CFAP61: variants seen among roughly 807,000 people sequenced by gnomAD.
CFAP61 encodes cilia and flagella associated protein 61.
In CFAP61, 107 loss-of-function variants were observed where a neutral mutation model predicts 135.6. The ratio of observed to expected loss-of-function variants is 0.79; its 90% CI spans 0.67 to 0.93. CFAP61 has a LOEUF of 0.93. Among genes scored for constraint, CFAP61 ranks in the 40% least tolerant of loss-of-function variants. The probability of loss-of-function intolerance (pLI) is 0.00; values close to 1 mark genes in which losing one functional copy is unlikely to be tolerated. For synonymous variants in CFAP61, 575 were observed against 578.5 expected, an observed-to-expected ratio of 0.99 and a Z score of 0.09; for missense variants, 1,507 against 1,556.2, an observed-to-expected ratio of 0.97 and a Z score of 0.53.
intron 17 of CFAP61, among the ~76,000 whole-genome samples, chr20:20,206,411 C>T (rs562401918): frequency 3.3e-5 from 5 of 152,174 alleles, no homozygotes; most frequent in Non-Finnish European, 5.9e-5. Flanking sequence ...TACCCATTGG[C>T]AGTCACTTCC....
chr20:20,162,597 C>CA (rs1014945793), intron 10 of CFAP61, among the ~76,000 whole-genome samples: 20 of 151,750 alleles, frequency 1.3e-4, no homozygotes, highest in African/African-American at 4.6e-4. Context: ...AAATGATGAA[C>CA]AAAAAAGACA....
intron 9 of CFAP61, among the ~76,000 whole-genome samples, chr20:20,144,354 A>T (rs565068738): frequency 4.6e-5 from 7 of 152,238 alleles, no homozygotes; most frequent in African/African-American, 7.2e-5. Flanking sequence ...CCAAAGGTTA[A>T]GGAGAGACAT....
intron 6 of CFAP61, among the ~76,000 whole-genome samples, chr20:20,087,928 C>T (rs2046923239): frequency 6.6e-6 from 1 of 151,902 alleles, no homozygotes; most frequent in Non-Finnish European, 1.5e-5. Context: ...GGTGGCGCCT[C>T]AGTCCACTGG....
At chr20:20,199,539 C>G (rs770867933) in intron 16 of CFAP61, among the ~76,000 whole-genome samples, 5 of 152,118 alleles carry the variant, frequency 3.3e-5, no homozygotes, top group African/African-American at 4.8e-5. Context: ...ATCTGTCATT[C>G]CCACAGAGAT....
At chr20:20,225,663 GA>G (rs1210836280) in intron 17 of CFAP61, 1 of 152,188 alleles carries the variant, frequency 6.6e-6, no homozygotes, top group East Asian at 1.9e-4. Flanking sequence ...CAGCAGAGGG[GA>G]ATGTCTGAAC....
chr20:20,315,085 A>G (rs1329341498), intron 25 of CFAP61, among the ~76,000 whole-genome samples: 1 of 142,016 alleles, frequency 7.0e-6, no homozygotes, highest in African/African-American at 2.7e-5. Context: ...TGGTATTTCT[A>G]GTTCTAGATC....
At chr20:20,329,166 G>A (rs1245657649) in intron 25 of CFAP61, among the ~76,000 whole-genome samples, 1 of 151,912 alleles carries the variant, frequency 6.6e-6, no homozygotes, top group Non-Finnish European at 1.5e-5. Flanking sequence ...GACATACTGC[G>A]ATTTCCCTGG....
intron 17 of CFAP61, among the ~76,000 whole-genome samples, chr20:20,207,431 A>G (rs903226802): frequency 6.6e-6 from 1 of 152,220 alleles, no homozygotes; most frequent in Non-Finnish European, 1.5e-5. Flanking sequence ...AATGAATGCC[A>G]CAGAGGTCCA....
intron 18 of CFAP61, among the ~76,000 whole-genome samples, chr20:20,233,814 T>G (rs988379173): frequency 6.6e-6 from 1 of 152,196 alleles, no homozygotes; most frequent in Non-Finnish European, 1.5e-5. Context: ...ATACCCACAT[T>G]AGAGACTCCC....
chr20:20,188,968 T>C (rs972641182), intron 14 of CFAP61, among the ~76,000 whole-genome samples: 1 of 152,190 alleles, frequency 6.6e-6, no homozygotes, highest in Non-Finnish European at 1.5e-5. Flanking sequence ...CACCGTTTGT[T>C]TTCTGATATC....
At chr20:20,102,304 A>ATAAATAAAT (rs1463029006) in intron 8 of CFAP61, among the ~76,000 whole-genome samples, 1 of 152,240 alleles carries the variant, frequency 6.6e-6, no homozygotes, top group East Asian at 1.9e-4. Context: ...TTTTCCTACC[A>ATAAATAAAT]GCTGTGAAAG....
intron 17 of CFAP61, among the ~76,000 whole-genome samples, chr20:20,203,994 C>T (rs1261306222): frequency 6.6e-6 from 1 of 152,190 alleles, no homozygotes; most frequent in East Asian, 1.9e-4. Flanking sequence ...GGAGTTTACA[C>T]AACTGTTATT....
At chr20:20,213,982 C>T (rs1353670159) in intron 17 of CFAP61, among the ~76,000 whole-genome samples, 1 of 151,674 alleles carries the variant, frequency 6.6e-6, no homozygotes. Flanking sequence ...GGAAGCGACA[C>T]AACTTTGAAA....
chr20:20,081,633 C>T (rs1337421323), intron 6 of CFAP61, among the ~76,000 whole-genome samples: 1 of 152,160 alleles, frequency 6.6e-6, no homozygotes, highest in Non-Finnish European at 1.5e-5. Context: ...TTTGGTCTCC[C>T]TTTCTGCCTC....
At chr20:20,299,711 T>A (rs908842978) in intron 25 of CFAP61, among the ~76,000 whole-genome samples, 2 of 152,226 alleles carry the variant, frequency 1.3e-5, no homozygotes, top group African/African-American at 4.8e-5. Flanking sequence ...CAGGATGATG[T>A]CTGTAGCTGT....
rs1420641354 is a variant in CFAP61 at position 20,354,749 on chromosome 20, T to C, written c.3514-5461T>C. Among the ~76,000 whole-genome samples, 3 of 144,282 alleles carry C rather than the reference T, an allele frequency of 2.1e-5. No homozygotes were observed. The East Asian group carries it at 6.4e-4, about 31-fold the overall frequency. The allele number at this position is 144,282 out of a possible 152,430, so 94.7% of individuals were successfully genotyped here. A position where few individuals can be genotyped will look rare whatever the true frequency, so the allele number is the denominator to read the frequency against. On this transcript the variant is annotated intron_variant, in intron 26 of 26. Transcript: ENST00000245957. ...GGTCACACTGTGAGAGAAAAAGTAA[T>C]CATACTGTGAAAGGGAGGTGGTCAC...
rs560020893 is a variant in CFAP61 at position 20,344,050 on chromosome 20, A to G, written c.3513+2129A>G. Among the ~76,000 whole-genome samples, 5 of 152,342 alleles carry G rather than the reference A, an allele frequency of 3.3e-5. 1 individual carries two copies. In the South Asian group the frequency reaches 1.0e-3, roughly 32 times the overall value. On this transcript the variant is annotated intron_variant, in intron 26 of 26. Coordinates refer to ENST00000245957, the MANE Select transcript of CFAP61 (RefSeq NM_015585.4). Reference sequence around the variant, plus strand: ...GATTTCCAGAAAATGAAACCTCCGGAAGAAAAAAATCTCCACTGGAGGATT... The same window carrying G: ...GATTTCCAGAAAATGAAACCTCCGGGAGAAAAAAATCTCCACTGGAGGATT...
At chr20:20,135,168 A>T (rs2050827297) in intron 8 of CFAP61, among the ~76,000 whole-genome samples, 2 of 152,310 alleles carry the variant, frequency 1.3e-5, no homozygotes, top group Admixed American at 1.3e-4. Flanking sequence ...GAGCCAAGGA[A>T]TGCCAAAGCC....
chr20:20,192,685 T>A (rs992651574), intron 15 of CFAP61, among the ~76,000 whole-genome samples: 2 of 152,132 alleles, frequency 1.3e-5, no homozygotes, highest in African/African-American at 4.8e-5. Flanking sequence ...ATTATCCTAA[T>A]CTGATCATAC....
Sources: allele counts gnomAD v4.1 joint callset (sites outside exome capture counted in the v4.1 genomes callset), GRCh38; gene constraint gnomAD v4.1.1; transcripts MANE v1.5; gene names NCBI Gene and HGNC (gene_info 2026-07-23, HGNC 2026-07-21).